METTL15: variants seen among roughly 807,000 people sequenced by gnomAD.
METTL15 encodes the protein 12S rRNA N(4)-cytidine methyltransferase METTL15.
A neutral mutation model predicts 38.3 loss-of-function variants in METTL15; 34 were observed. The ratio of observed to expected loss-of-function variants is 0.89; its 90% CI spans 0.68 to 1.18. The LOEUF (loss-of-function observed/expected upper bound fraction) is 1.18, where lower values mean the gene tolerates loss of function less well. Ranked by LOEUF, METTL15 falls within the 50% of genes most tolerant of loss-of-function variation. The probability of loss-of-function intolerance (pLI) is 0.00; values close to 1 mark genes in which losing one functional copy is unlikely to be tolerated. For synonymous variants in METTL15, 162 were observed against 170.9 expected (o/e 0.95, Z 0.41); for missense variants, 438 against 498.4 (o/e 0.88, Z 1.15).
intron 4 of METTL15, among the ~76,000 whole-genome samples, chr11:28,281,725 C>G (rs1187089480): frequency 6.6e-6 from 1 of 152,154 alleles, no homozygotes; most frequent in Non-Finnish European, 1.5e-5. Context: ...AAGTGCCTGA[C>G]ATTTAGTAGA....
At chr11:28,143,765 A>G (rs1238378280) in intron 3 of METTL15, among the ~76,000 whole-genome samples, 1 of 152,188 alleles carries the variant, frequency 6.6e-6, no homozygotes. Context: ...TAAAACCATG[A>G]GTCTAGATGA....
intron 6 of METTL15, among the ~76,000 whole-genome samples, chr11:28,461,668 A>G (rs769205985): frequency 2.6e-5 from 4 of 151,990 alleles, no homozygotes; most frequent in African/African-American, 9.7e-5. Context: ...TGGGGCAACT[A>G]TTTTTGCTTT....
intron 6 of METTL15, among the ~76,000 whole-genome samples, chr11:28,504,014 G>A (rs1178551199): frequency 6.6e-6 from 1 of 151,392 alleles, no homozygotes; most frequent in Non-Finnish European, 1.5e-5. Context: ...TGACCAACAA[G>A]GTGAAACATC....
rs374757701 is a variant in METTL15, at chr11:28,279,079, G to A, written c.408-11127G>A. Among the ~76,000 whole-genome samples, 46 of 152,238 alleles carry A rather than the reference G, an allele frequency of 3.0e-4. 2 individuals carry two copies. In the South Asian group the frequency reaches 9.3e-3, roughly 31 times the overall value. On this transcript the variant is annotated intron_variant, in intron 4 of 6. Coordinates refer to ENST00000407364, the MANE Select transcript of METTL15 (RefSeq NM_001113528.2). The stretch of plus-strand genomic sequence containing the variant: ...TGGGCTCAAACAATGCTTCTGCCTC[G>A]GCCTCCCAAAGTGCTGGCATTGCAG...
intron 5 of METTL15, among the ~76,000 whole-genome samples, chr11:28,293,775 C>G (rs912264599): frequency 6.6e-5 from 10 of 152,090 alleles, no homozygotes; most frequent in African/African-American, 2.2e-4. Flanking sequence ...TCTTCACGTC[C>G]TTTGTCAGTT....
chr11:28,261,689 A>G (rs1855208854), intron 4 of METTL15, among the ~76,000 whole-genome samples: 1 of 152,172 alleles, frequency 6.6e-6, no homozygotes. Flanking sequence ...CATCGACTAC[A>G]GTTCTTAATA....
rs140612849 is a variant in METTL15 at position 28,317,137 on chromosome 11, A to G, written c.779-13259A>G. On this transcript the variant is annotated intron_variant, in intron 6 of 6. Coordinates refer to ENST00000407364, the MANE Select transcript of METTL15 (RefSeq NM_001113528.2). Reference sequence around the variant, plus strand: ...ACTTATAACTTTATTTTTTTTCCCTATTGTATGAGGATTTGTAAATCTCAA... The same window carrying G: ...ACTTATAACTTTATTTTTTTTCCCTGTTGTATGAGGATTTGTAAATCTCAA... 1.3e-3 allele frequency among the ~76,000 whole-genome samples: 199 copies of G among 151,426 alleles called. 1 individual carries two copies. Among genetic ancestry groups the G allele is most frequent in the African/African-American group, 4.6e-3 (190 of 41,254 alleles).
At chr11:28,375,092 A>T (rs1347852647) in intron 5 of METTL15, among the ~76,000 whole-genome samples, 1 of 149,874 alleles carries the variant, frequency 6.7e-6, no homozygotes, top group Non-Finnish European at 1.5e-5. Flanking sequence ...TGATTTTTGC[A>T]TCAATGTTCA....
chr11:28,170,481 A>G (rs917051595), intron 3 of METTL15, among the ~76,000 whole-genome samples: 2 of 152,170 alleles, frequency 1.3e-5, no homozygotes, highest in Admixed American at 6.5e-5. Context: ...GTAAAGGAAT[A>G]AAAGAATGGC....
chr11:28,244,034 A>G (rs1419869653), intron 4 of METTL15, among the ~76,000 whole-genome samples: 1 of 152,216 alleles, frequency 6.6e-6, no homozygotes, highest in African/African-American at 2.4e-5. Flanking sequence ...AGCTCAAAAC[A>G]GATGTTTTTT....
intron 5 of METTL15, among the ~76,000 whole-genome samples, chr11:28,368,065 C>T (rs1850203999): frequency 8.8e-6 from 1 of 113,776 alleles, no homozygotes; most frequent in Non-Finnish European, 1.8e-5. Flanking sequence ...ACACCAAAAG[C>T]CATGGCAACA....
chr11:28,220,047 G>A lies in METTL15; in HGVS notation c.407+8849G>A, dbSNP rs560766098. 1.2e-3 allele frequency among the ~76,000 whole-genome samples: 184 copies of A among 152,262 alleles called. 1 individual carries two copies. Among genetic ancestry groups the A allele is most frequent in the Middle Eastern group, 3.4e-3 (1 of 294 alleles). On this transcript the variant is annotated intron_variant, in intron 4 of 6. Coordinates refer to ENST00000407364, the MANE Select transcript of METTL15 (RefSeq NM_001113528.2). Reference sequence around the variant, plus strand: ...AAGAATGTATATTCTGTTGATTTGGGGTAGAGAGTTCTGTAGATGTCTGTT... The same window carrying A: ...AAGAATGTATATTCTGTTGATTTGGAGTAGAGAGTTCTGTAGATGTCTGTT...
intron 6 of METTL15, among the ~76,000 whole-genome samples, chr11:28,462,760 A>G (rs1400281100): frequency 6.6e-6 from 1 of 152,056 alleles, no homozygotes; most frequent in Non-Finnish European, 1.5e-5. Context: ...AGAGACTCCT[A>G]TCAAGCTGTA....
intron 6 of METTL15, among the ~76,000 whole-genome samples, chr11:28,430,952 G>A (rs1590372227): frequency 9.4e-6 from 1 of 105,982 alleles, no homozygotes; most frequent in African/African-American, 3.2e-5. Flanking sequence ...GAGGTGAGGG[G>A]CGCCTCTGCC....
At chr11:28,220,858 A>G (rs1853175991) in intron 4 of METTL15, among the ~76,000 whole-genome samples, 1 of 152,126 alleles carries the variant, frequency 6.6e-6, no homozygotes, top group Non-Finnish European at 1.5e-5. Context: ...TGGATTGAAA[A>G]TTGTTTTCTT....
chr11:28,370,409 A>G (rs1422770404), intron 5 of METTL15, among the ~76,000 whole-genome samples: 1 of 151,950 alleles, frequency 6.6e-6, no homozygotes, highest in Non-Finnish European at 1.5e-5. Context: ...TTTATGGCTG[A>G]ATAATATTCC....
At chr11:28,250,586 T>G (rs2133921776) in intron 4 of METTL15, among the ~76,000 whole-genome samples, 1 of 152,070 alleles carries the variant, frequency 6.6e-6, no homozygotes, top group Admixed American at 6.6e-5. Context: ...AATGATGTTT[T>G]TCCTACATCA....
chr11:28,344,087 G>A (rs1394159261), intron 3 of METTL15, among the ~76,000 whole-genome samples: 1 of 152,134 alleles, frequency 6.6e-6, no homozygotes, highest in Non-Finnish European at 1.5e-5. Flanking sequence ...TTCTTGTAAT[G>A]TCATTGATAG....
In METTL15 at chr11:28,363,897, A is replaced by G. The variant is rs1850163141; in HGVS notation, c.*358+1861A>G. ...GGAGTCCAGTTTTATTCTTCTGCAT[A>G]TGTCTAGCCAGTTATCCCAGCACCA... On this transcript the variant is annotated intron_variant and NMD_transcript_variant, in intron 5 of 7. Transcript: ENST00000532947. 2.6e-5 allele frequency among the ~76,000 whole-genome samples: 4 copies of G among 152,294 alleles called. No homozygotes were observed. The South Asian group carries it at 6.2e-4, about 24-fold the overall frequency.
Sources: allele counts gnomAD v4.1 joint callset (sites outside exome capture counted in the v4.1 genomes callset), GRCh38; gene constraint gnomAD v4.1.1; transcripts MANE v1.5; gene names NCBI Gene and HGNC (gene_info 2026-07-23, HGNC 2026-07-21).